TPR: variants seen among roughly 807,000 people sequenced by gnomAD.
TPR encodes the protein translocated promoter region, nuclear basket protein.
In TPR, 51 loss-of-function variants were observed where a neutral mutation model predicts 316.1. The ratio of observed to expected loss-of-function variants is 0.16; its 90% CI spans 0.13 to 0.20. The LOEUF (loss-of-function observed/expected upper bound fraction) is 0.20, where lower values mean the gene tolerates loss of function less well. Among genes scored for constraint, TPR ranks in the 10% least tolerant of loss-of-function variants. The pLI is 1.00. For missense variants in TPR, 2,272 were observed against 2,754.8 expected, an observed-to-expected ratio of 0.82 and a Z score of 3.92; for synonymous variants, 981 against 914.7, an observed-to-expected ratio of 1.07 and a Z score of -1.31.
Position 186,375,103 on chromosome 1 carries a change from A to G in TPR, c.-75T>C, listed in dbSNP as rs963922744. On this transcript the variant is annotated 5_prime_UTR_variant, in exon 1 of 51. Coordinates refer to ENST00000367478, the MANE Select transcript of TPR (RefSeq NM_003292.3). ...GAGAAGAAAGGCGAAGACCAGCAGG[A>G]CCCAGACGCCTGGGCCGCCGCCTCT... 6.3e-7 allele frequency: 1 copy of G among 1,588,240 alleles called. No homozygotes were observed. The highest frequency in any genetic ancestry group is 1.8e-5 in the Admixed American group (1 of 55,634).
intron 7 of TPR, 59 bp from the exon 8 acceptor site, chr1:186,361,928 A>T: frequency 6.6e-7 from 1 of 1,515,884 alleles, no homozygotes; most frequent in African/African-American, 1.4e-5. Flanking sequence ...AATGCTTATC[A>T]AATGACAAGA....
In TPR at chr1:186,327,526, A is replaced by G. The variant is rs373373897; in HGVS notation, c.5823T>C (p.Asp1941=). 1,321 of 1,611,558 alleles carry G rather than the reference A, an allele frequency of 8.2e-4. 2 individuals are homozygous for G. The highest frequency in any genetic ancestry group is 9.9e-4 in the Non-Finnish European group (1,172 of 1,179,444). The change falls in exon 40 of 51, where the codon GAT becomes GAC. Residue 1941 remains aspartate, a synonymous_variant. Coordinates refer to ENST00000367478, the MANE Select transcript of TPR (RefSeq NM_003292.3). The part of the protein sequence containing the change: ...TSSQDGQGKG[D]DVIVIDSDDE... ...CATCACTGTCAATTACAATGACATC[A>G]TCTCCTTTGCCTTGACCATCCTGGG...
chr1:186,352,021 T>C lies in TPR; in HGVS notation c.2424A>G (p.Glu808=). Residue 808 remains glutamate, a synonymous_variant, in exon 19 of 51, where the codon GAA becomes GAG. Coordinates refer to ENST00000367478, the MANE Select transcript of TPR (RefSeq NM_003292.3). ...TTAGCAGTAAGTTTTGCCCCCTTTG[T>C]TCAGCTAACAAAGACTCTCTTTGCT... The part of the protein sequence containing the change: ...LSQQRESLLA[E]QRGQNLLLTN... 6.2e-7 allele frequency: 1 copy of C among 1,609,274 alleles called. No homozygotes were observed. The highest frequency in any genetic ancestry group is 8.5e-7 in the Non-Finnish European group (1 of 1,178,242).
chr1:186,356,325 A>G lies in TPR; in HGVS notation c.1849T>C (p.Leu617=). 1.2e-6 allele frequency: 2 copies of G among 1,611,316 alleles called. No homozygotes were observed. The highest frequency in any genetic ancestry group is 1.7e-6 in the Non-Finnish European group (2 of 1,178,200). ...IVRQRDMYRI[L]LSQTTGVAIP... Reference sequence around the variant, plus strand: ...GCAACTCCTGTTGTTTGTGACAATAAAATACGGTACATATCACGCTGACGA... The same window carrying G: ...GCAACTCCTGTTGTTTGTGACAATAGAATACGGTACATATCACGCTGACGA... The change falls in exon 15 of 51, where the codon TTA becomes CTA. Residue 617 remains leucine (L), a synonymous_variant. Transcript: ENST00000367478.
At chr1:186,343,861 A>G in intron 26 of TPR, 45 bp downstream of exon 26, 1 of 1,467,614 alleles carries the variant, frequency 6.8e-7, no homozygotes, top group Non-Finnish European at 9.3e-7. Flanking sequence ...GTTTCATTTC[A>G]TAGTTGTTAT....
At chr1:186,322,075 T>C (rs1358351986) in intron 45 of TPR, among the ~76,000 whole-genome samples, 1 of 152,206 alleles carries the variant, frequency 6.6e-6, no homozygotes, top group African/African-American at 2.4e-5. Context: ...CTAGAGGCCA[T>C]GTTCTTAAAC....
At chr1:186,319,166 T>C (rs1480654066) in intron 46 of TPR, among the ~76,000 whole-genome samples, 2 of 152,034 alleles carry the variant, frequency 1.3e-5, no homozygotes, top group African/African-American at 2.4e-5. Flanking sequence ...TTCATTTTTG[T>C]AGAGACAGGG....
At chr1:186,326,913 C>G (rs1657950937) in intron 40 of TPR, among the ~76,000 whole-genome samples, 1 of 135,574 alleles carries the variant, frequency 7.4e-6, no homozygotes, top group Non-Finnish European at 1.5e-5. Context: ...ATCACTGGCT[C>G]TACACTAATT....
At chr1:186,360,434 A>G (rs567545461) in intron 10 of TPR, 70 bp from the exon 11 acceptor site, 5 of 1,519,652 alleles carry the variant, frequency 3.3e-6, no homozygotes, top group East Asian at 4.5e-5. Context: ...TAATTTTTCA[A>G]GGTAAGTGAC....
At chr1:186,326,007 T>C (rs1048064498) in intron 41 of TPR, 97 bp downstream of exon 41, 3 of 1,570,204 alleles carry the variant, frequency 1.9e-6, no homozygotes, top group Non-Finnish European at 2.6e-6. Context: ...CCAAAGGTTT[T>C]AGTGAATTTC....
chr1:186,362,695 C>A, intron 6 of TPR, 142 bp downstream of exon 6: 1 of 778,206 alleles, frequency 1.3e-6, no homozygotes, highest in Non-Finnish European at 2.0e-6. Context: ...TGATTTTTTA[C>A]GCCAAATGTA....
In TPR at chr1:186,313,686, T is replaced by C. The variant is rs1657449871; in HGVS notation, c.*285A>G. ...ATGTTTTCTCTTCCATTTAGATCAA[T>C]ACTATAACATTGATGTGCCTAGTAG... On this transcript the variant is annotated 3_prime_UTR_variant, in exon 51 of 51. Coordinates refer to ENST00000367478, the MANE Select transcript of TPR (RefSeq NM_003292.3). 3 of 1,588,524 alleles carry C rather than the reference T, an allele frequency of 1.9e-6. No homozygotes were observed. The highest frequency in any genetic ancestry group is 1.7e-4 in the Middle Eastern group (1 of 6,018).
At chr1:186,354,248 T>C (rs959050364) in intron 17 of TPR, among the ~76,000 whole-genome samples, 3 of 152,166 alleles carry the variant, frequency 2.0e-5, no homozygotes, top group African/African-American at 7.2e-5. Context: ...GTGGTTCAAG[T>C]TCTAAGTAAG....
In TPR at chr1:186,339,769, G is replaced by A. The variant is rs1658455373; in HGVS notation, c.4024C>T (p.Leu1342=). The part of the protein sequence containing the change: ...VKRWKARNQH[L]VSQQKDPDTE... ...TCTGGATCTTTCTGTTGACTTACTA[G>A]ATGCTAGAATAACAAAAATGCATAC... Residue 1342 remains leucine (L), a synonymous_variant, in exon 30 of 51, where the codon CTA becomes TTA. Coordinates refer to ENST00000367478, the MANE Select transcript of TPR (RefSeq NM_003292.3). 1 of 1,575,864 alleles carries A rather than the reference G, an allele frequency of 6.3e-7. No homozygotes were observed. Among genetic ancestry groups the A allele is most frequent in the Non-Finnish European group, 8.6e-7 (1 of 1,165,948 alleles).
intron 4 of TPR, 97 bp downstream of exon 4, chr1:186,367,789 A>C: frequency 1.3e-6 from 1 of 790,736 alleles, no homozygotes; most frequent in East Asian, 2.6e-5. Context: ...CATAACAAAA[A>C]AATATCAGCA....
At chr1:186,373,826 A>C (rs774168944) in intron 1 of TPR, among the ~76,000 whole-genome samples, 19 of 152,160 alleles carry the variant, frequency 1.2e-4, no homozygotes, top group Non-Finnish European at 2.1e-4. Context: ...ACAAAAAAAA[A>C]CTCCTTTGTT....
At position 186,363,344 on chromosome 1, in the gene TPR, T is replaced by G. The variant is rs776638509; in HGVS notation, c.529A>C (p.Lys177Gln). The G allele has an allele frequency of 1.9e-6, 3 of 1,610,310 alleles. No individual in the cohort carries two copies. In the Admixed American group the frequency reaches 5.0e-5, roughly 27 times the overall value. ...ATTAGGAATCATCTGGTACTTGCCT[T>G]AACAGAAACATCAGAAGCTTGAAGT... ...DELQASDVSV[K>Q]YREKRLEQEK... Residue 177 changes from lysine (K) to glutamine (Q), a missense_variant and splice_region_variant, in exon 5 of 51, where the codon AAG (lysine) becomes CAG (glutamine). Physicochemically the swap from Lys to Gln is moderately conservative, Grantham distance 53. Around this residue, in one of 10 missense-constraint regions of TPR, gnomAD observed 549 missense variants for 598.6 expected, o/e 0.92. Transcript: ENST00000367478.
chr1:186,313,819 T>C lies in TPR; in HGVS notation c.*152A>G, dbSNP rs770955068. 3 of 1,521,214 alleles carry C rather than the reference T, an allele frequency of 2.0e-6. No homozygotes were observed. The highest frequency in any genetic ancestry group is 3.3e-5 in the Admixed American group (2 of 59,858). The allele number at this position is 1,521,214 out of a possible 1,614,324, so 94.2% of individuals were successfully genotyped here. A position where few individuals can be genotyped will look rare whatever the true frequency, so the allele number is the denominator to read the frequency against. ...AGGAGTCAACTAATGAAGAAATGAA[T>C]AATAAATTTTGACACTGAAAAACAT... On this transcript the variant is annotated 3_prime_UTR_variant, in exon 51 of 51. Transcript: ENST00000367478.
In TPR at chr1:186,363,323, G is replaced by A; in HGVS notation, c.531+19C>T. The A allele has an allele frequency of 6.4e-7, 1 of 1,566,616 alleles. No individual in the cohort carries two copies. Among genetic ancestry groups the A allele is most frequent in the Non-Finnish European group, 8.8e-7 (1 of 1,139,258 alleles). ...ATAAAAAGCTATAGTTTATGCATTA[G>A]GAATCATCTGGTACTTGCCTTAACA... On this transcript the variant is annotated intron_variant, in intron 5 of 50. Coordinates refer to ENST00000367478, the MANE Select transcript of TPR (RefSeq NM_003292.3).
Sources: gnomAD v4.1 joint callset for allele counts (sites outside exome capture counted in the v4.1 genomes callset) on GRCh38, gnomAD v4.1.1 for gene constraint, gnomAD v4.1.1 regional missense constraint, MANE v1.5 for transcripts, NCBI Gene and HGNC (gene_info 2026-07-23, HGNC 2026-07-21) for gene names.